GRID2: variants seen among roughly 807,000 people sequenced by gnomAD.
GRID2 encodes glutamate receptor ionotropic, delta-2.
GRID2 carries 33 observed loss-of-function variants against 114.8 expected under a neutral mutation model. The observed-to-expected ratio is 0.29, with a 90% CI of 0.22 to 0.38. The LOEUF is 0.38. Among genes scored for constraint, GRID2 ranks in the 10% least tolerant of loss-of-function variants. The probability of loss-of-function intolerance (pLI) is 1.00; values close to 1 mark genes in which losing one functional copy is unlikely to be tolerated. For missense variants in GRID2, 1,184 were observed against 1,257.7 expected, an observed-to-expected ratio of 0.94 and a Z score of 0.89; for synonymous variants, 505 against 449.9, an observed-to-expected ratio of 1.12 and a Z score of -1.55.
chr4:92,398,865 G>A (rs1264733741), intron 1 of GRID2, among the ~76,000 whole-genome samples: 1 of 152,170 alleles, frequency 6.6e-6, no homozygotes, highest in East Asian at 1.9e-4. Flanking sequence ...CATGTTATGA[G>A]CAGTGGGACT....
At chr4:93,635,389 A>G (rs1250113887) in intron 14 of GRID2, among the ~76,000 whole-genome samples, 1 of 149,090 alleles carries the variant, frequency 6.7e-6, no homozygotes, top group African/African-American at 2.4e-5. Flanking sequence ...GTAGGATGCT[A>G]TAATAATATA....
intron 2 of GRID2, among the ~76,000 whole-genome samples, chr4:92,824,958 AATTT>A (rs1253522544): frequency 5.3e-5 from 8 of 151,736 alleles, no homozygotes; most frequent in African/African-American, 1.9e-4. Context: ...TATAATCCAC[AATTT>A]ATTTTTCATA....
At chr4:92,632,103 T>G (rs1437961145) in intron 2 of GRID2, among the ~76,000 whole-genome samples, 1 of 152,190 alleles carries the variant, frequency 6.6e-6, no homozygotes, top group Non-Finnish European at 1.5e-5. Flanking sequence ...TATTCACTAT[T>G]TCAAAGGTCA....
intron 8 of GRID2, among the ~76,000 whole-genome samples, chr4:93,338,869 G>T (rs1759353254): frequency 6.6e-6 from 1 of 151,996 alleles, no homozygotes; most frequent in Non-Finnish European, 1.5e-5. Flanking sequence ...TCAGCTCTTT[G>T]TGAAGGCTCC....
intron 14 of GRID2, among the ~76,000 whole-genome samples, chr4:93,755,612 A>G (rs1238828962): frequency 6.6e-6 from 1 of 152,228 alleles, no homozygotes; most frequent in Non-Finnish European, 1.5e-5. Flanking sequence ...CTACTAAGGA[A>G]ATAGTGTTAA....
chr4:92,477,827 A>G (rs146486980), intron 1 of GRID2, among the ~76,000 whole-genome samples: 3,621 of 147,240 alleles, frequency 0.025, 148 homozygotes, highest in African/African-American at 0.084. Context: ...AAAATAATAT[A>G]TATTTTAATA....
At chr4:93,243,438 T>C (rs1407926385) in intron 8 of GRID2, among the ~76,000 whole-genome samples, 1 of 152,090 alleles carries the variant, frequency 6.6e-6, no homozygotes, top group African/African-American at 2.4e-5. Flanking sequence ...AGTTTCTCCA[T>C]GTCTCAAAAG....
At chr4:93,460,307 A>G (rs1723621334) in intron 11 of GRID2, among the ~76,000 whole-genome samples, 1 of 152,154 alleles carries the variant, frequency 6.6e-6, no homozygotes, top group African/African-American at 2.4e-5. Context: ...TTAATTGCCC[A>G]GTTACTCCAA....
chr4:92,444,287 TGAGTCCGTAAAGA>T (rs1259724226), intron 1 of GRID2, among the ~76,000 whole-genome samples: 1 of 152,146 alleles, frequency 6.6e-6, no homozygotes, highest in African/African-American at 2.4e-5. Flanking sequence ...GCAGGCAGGC[TGAGTCCGTAAAGA>T]GAGTCAGTGA....
chr4:93,092,068 T>A (rs1368963148), intron 3 of GRID2, among the ~76,000 whole-genome samples: 2 of 152,120 alleles, frequency 1.3e-5, no homozygotes, highest in Non-Finnish European at 2.9e-5. Flanking sequence ...CACTAAGGTA[T>A]ATGAGCCAGG....
chr4:93,725,839 T>G (rs1414060035), intron 14 of GRID2, among the ~76,000 whole-genome samples: 2 of 152,188 alleles, frequency 1.3e-5, no homozygotes, highest in Non-Finnish European at 2.9e-5. Context: ...TGTTTGTTTT[T>G]TTCTTGTAAA....
At chr4:93,530,275 C>T (rs949127605) in intron 13 of GRID2, among the ~76,000 whole-genome samples, 1 of 152,134 alleles carries the variant, frequency 6.6e-6, no homozygotes, top group African/African-American at 2.4e-5. Flanking sequence ...TCCACTTTAT[C>T]TCTAGTGCAA....
intron 2 of GRID2, among the ~76,000 whole-genome samples, chr4:92,821,232 C>A (rs896709879): frequency 1.4e-4 from 21 of 151,880 alleles, no homozygotes; most frequent in Non-Finnish European, 5.9e-5. Context: ...TAAATAATTC[C>A]AATACAAAAA....
intron 14 of GRID2, among the ~76,000 whole-genome samples, chr4:93,702,324 A>G (rs1011206524): frequency 5.3e-5 from 8 of 152,166 alleles, no homozygotes; most frequent in Non-Finnish European, 7.4e-5. Flanking sequence ...TCTGTTTGCA[A>G]ATTGGCATCA....
At chr4:93,246,401 C>T (rs764345979) in intron 8 of GRID2, among the ~76,000 whole-genome samples, 2 of 151,928 alleles carry the variant, frequency 1.3e-5, no homozygotes, top group Non-Finnish European at 2.9e-5. Flanking sequence ...TCCTGGCTAA[C>T]ACAGTGAAAC....
intron 2 of GRID2, among the ~76,000 whole-genome samples, chr4:93,067,047 G>A (rs982115142): frequency 1.3e-5 from 2 of 151,912 alleles, no homozygotes; most frequent in African/African-American, 4.8e-5. Flanking sequence ...CTTATTCCTA[G>A]AATTTTCTAT....
chr4:93,378,821 G>A (rs576937592), intron 8 of GRID2, among the ~76,000 whole-genome samples: 1 of 152,000 alleles, frequency 6.6e-6, no homozygotes, highest in Non-Finnish European at 1.5e-5. Context: ...TTGGAGAAAG[G>A]TTACAGTTTG....
chr4:93,134,570 T>C (rs1242293470), intron 4 of GRID2, among the ~76,000 whole-genome samples: 1 of 152,186 alleles, frequency 6.6e-6, no homozygotes, highest in Non-Finnish European at 1.5e-5. Flanking sequence ...GAGTTTAAAT[T>C]GAATTTCTGT....
chr4:92,723,322 C>T (rs1230933164), intron 2 of GRID2, among the ~76,000 whole-genome samples: 1 of 152,072 alleles, frequency 6.6e-6, no homozygotes, highest in Non-Finnish European at 1.5e-5. Context: ...CTTTGTATAG[C>T]TTGCACCAGC....
Sources: gnomAD v4.1 joint callset for allele counts (sites outside exome capture counted in the v4.1 genomes callset) on GRCh38, gnomAD v4.1.1 for gene constraint, MANE v1.5 for transcripts, NCBI Gene and HGNC (gene_info 2026-07-23, HGNC 2026-07-21) for gene names.